LRP11: variants seen among roughly 807,000 people sequenced by gnomAD.
LRP11 encodes low-density lipoprotein receptor-related protein 11.
LRP11 carries 25 observed loss-of-function variants against 43.1 expected under a neutral mutation model. The observed-to-expected ratio is 0.58, with a 90% CI of 0.42 to 0.81. The LOEUF (loss-of-function observed/expected upper bound fraction) is 0.81, where lower values mean the gene tolerates loss of function less well. Ranked by LOEUF, LRP11 falls within the 30% of genes least tolerant of loss-of-function variation. LRP11 has a pLI of 0.00. For missense variants in LRP11, 623 were observed against 665.1 expected (o/e 0.94, Z 0.70); for synonymous variants, 316 against 299.4 (o/e 1.06, Z -0.57).
In LRP11 at chr6:149,827,398, C is replaced by A. The variant is rs938401692; in HGVS notation, c.1253-1039G>T. On this transcript the variant is annotated intron_variant, in intron 5 of 6. Transcript: ENST00000239367. This position sits in a 1 kb window ranked among gnomAD's most constrained non-coding sequence, Gnocchi z 4.2. ...CCTAATTCCTGCAAATGAAATAAGA[C>A]TATTTAAAGGTAGTATATAAAATTC... Among the ~76,000 whole-genome samples the A allele has an allele frequency of 4.6e-5, 7 of 152,166 alleles. No homozygotes were observed. The highest frequency in any genetic ancestry group is 1.7e-4 in the African/African-American group (7 of 41,430).
At chr6:149,836,328 TGGA>T in intron 4 of LRP11, 31 bp from the exon 5 acceptor site, 1 of 1,593,138 alleles carries the variant, frequency 6.3e-7, no homozygotes, top group Non-Finnish European at 8.6e-7. Flanking sequence ...TGTTAGTTGC[TGGA>T]TTTCTTTTCT....
chr6:149,859,550 C>T (rs1476697410), intron 1 of LRP11, among the ~76,000 whole-genome samples: 1 of 151,412 alleles, frequency 6.6e-6, no homozygotes, highest in Non-Finnish European at 1.5e-5. Flanking sequence ...CGTGTGTCAA[C>T]AAACCAGGCT....
chr6:149,825,876 T>C lies in LRP11; in HGVS notation c.1348+388A>G, dbSNP rs773254943. Among the ~76,000 whole-genome samples the C allele has an allele frequency of 1.4e-3, 211 of 152,310 alleles. 3 individuals are homozygous for C. The highest frequency in any genetic ancestry group is 1.2e-3 in the Admixed American group (19 of 15,296). The stretch of plus-strand genomic sequence containing the variant: ...ATTGCCCAGGCCGGTCTTGAACTCC[T>C]GAGCTCAAGCGATCCTCCTGCCTTG... On this transcript the variant is annotated intron_variant, in intron 6 of 6. Coordinates refer to ENST00000239367, the MANE Select transcript of LRP11 (RefSeq NM_032832.6).
At position 149,820,345 on chromosome 6, in the gene LRP11, A is replaced by G. The variant is rs548574914; in HGVS notation, c.*204T>C. 23 of 428,510 alleles carry G rather than the reference A, an allele frequency of 5.4e-5. No individual in the cohort carries two copies. Among genetic ancestry groups the G allele is most frequent in the African/African-American group, 4.7e-4 (23 of 49,018 alleles). The allele number at this position is 428,510 out of a possible 1,614,324, so 26.5% of individuals were successfully genotyped here. On this transcript the variant is annotated 3_prime_UTR_variant, in exon 7 of 7. Coordinates refer to ENST00000239367, the MANE Select transcript of LRP11 (RefSeq NM_032832.6). ...CAGAATTATATTTTTAGGAATCTTT[A>G]ATCATGAATTCCTCTCTAAATTTCA...
At chr6:149,829,694 A>T (rs1263113480) in intron 5 of LRP11, among the ~76,000 whole-genome samples, 1 of 151,862 alleles carries the variant, frequency 6.6e-6, no homozygotes, top group East Asian at 1.9e-4. Context: ...TTCACCCAAT[A>T]AAAAAAATAA....
chr6:149,850,047 G>T (rs1310360196), intron 2 of LRP11, among the ~76,000 whole-genome samples: 2 of 152,182 alleles, frequency 1.3e-5, no homozygotes, highest in Admixed American at 1.3e-4. Context: ...GAGATGAGAG[G>T]AGGGATGAAT....
At chr6:149,851,259 C>T (rs1776714875) in intron 2 of LRP11, among the ~76,000 whole-genome samples, 1 of 152,106 alleles carries the variant, frequency 6.6e-6, no homozygotes, top group African/African-American at 2.4e-5. Context: ...TGTAACGAAG[C>T]TCATTAATAG....
chr6:149,822,624 CT>C (rs1166887580), intron 6 of LRP11, among the ~76,000 whole-genome samples: 1 of 152,080 alleles, frequency 6.6e-6, no homozygotes, highest in Non-Finnish European at 1.5e-5. Context: ...TACTCTACTT[CT>C]ACAAAATGTA....
rs1353618888 is a variant in LRP11, at chr6:149,827,393, T to TA, written c.1253-1035dup. Among the ~76,000 whole-genome samples the TA allele has an allele frequency of 1.3e-5, 2 of 152,252 alleles. No homozygotes were observed. The highest frequency in any genetic ancestry group is 1.3e-4 in the Admixed American group (2 of 15,286). On this transcript the variant is annotated intron_variant, in intron 5 of 6. Coordinates refer to ENST00000239367, the MANE Select transcript of LRP11 (RefSeq NM_032832.6). The surrounding 1 kb of genome is among the most constrained non-coding windows in gnomAD (Gnocchi z 4.2). ...ATGTTCCTAATTCCTGCAAATGAAA[T>TA]AAGACTATTTAAAGGTAGTATATAA...
At chr6:149,859,392 A>ATTTTTT (rs1379449979) in intron 1 of LRP11, among the ~76,000 whole-genome samples, 27 of 76,798 alleles carry the variant, frequency 3.5e-4, no homozygotes, top group African/African-American at 2.4e-3. Flanking sequence ...ATATATATAT[A>ATTTTTT]TATATTTTTT....
chr6:149,823,646 G>A, intron 6 of LRP11, among the ~76,000 whole-genome samples: 1 of 152,154 alleles, frequency 6.6e-6, no homozygotes, highest in Non-Finnish European at 1.5e-5. Context: ...CACACTCACG[G>A]CACTTGAACT....
At chr6:149,838,078 C>T (rs996230423) in intron 3 of LRP11, among the ~76,000 whole-genome samples, 6 of 151,996 alleles carry the variant, frequency 3.9e-5, no homozygotes, top group African/African-American at 1.2e-4. Context: ...CCACCACACC[C>T]GGTTAATTTT....
At chr6:149,851,296 T>C (rs1776715679) in intron 2 of LRP11, among the ~76,000 whole-genome samples, 2 of 152,158 alleles carry the variant, frequency 1.3e-5, no homozygotes, top group East Asian at 1.9e-4. Context: ...TGGATCACAG[T>C]AGGTAATGAA....
intron 3 of LRP11, chr6:149,842,697 C>G: frequency 6.5e-7 from 1 of 1,550,294 alleles, no homozygotes; most frequent in Non-Finnish European, 8.7e-7. Flanking sequence ...AGTCCTCTCC[C>G]AGAATAGCCA....
chr6:149,863,562 G>T lies in LRP11; in HGVS notation c.459C>A (p.Pro153=). 7.3e-7 allele frequency: 1 copy of T among 1,378,640 alleles called. No homozygotes were observed. Among genetic ancestry groups the T allele is most frequent in the South Asian group, 1.7e-5 (1 of 60,364 alleles). The allele number at this position is 1,378,640 out of a possible 1,614,324, so 85.4% of individuals were successfully genotyped here. Residue 153 remains proline (P), a synonymous_variant, in exon 1 of 7, where the codon CCC becomes CCA. Coordinates refer to ENST00000239367, the MANE Select transcript of LRP11 (RefSeq NM_032832.6). ...GGTAGCAGCCGAGCACGGCTGCCGG[G>T]GGCGCGGGGCGCCGGGGCAGCTCCA... ...AVVELPRRPA[P]PAAVLGCYLF...
At chr6:149,839,638 AG>A in intron 3 of LRP11, among the ~76,000 whole-genome samples, 1 of 152,312 alleles carries the variant, frequency 6.6e-6, no homozygotes, top group East Asian at 1.9e-4. Flanking sequence ...ATTGTTGAAC[AG>A]GCATCTCCAG....
Position 149,863,961 on chromosome 6 carries a change from C to T in LRP11, c.60G>A (p.Gly20=). The change falls in exon 1 of 7, where the codon GGG becomes GGA. Residue 20 remains glycine (G), a synonymous_variant. Transcript: ENST00000239367. ...GSQRRLPPRH[G]ALRGLLLLCL... ...AGAGCAGTAGCAGCCCGCGCAGCGC[C>T]CCGTGACGCGGCGGTAGCCGGCGCT... 7.0e-7 allele frequency: 1 copy of T among 1,428,770 alleles called. No individual in the cohort carries two copies. Among genetic ancestry groups the T allele is most frequent in the Non-Finnish European group, 9.1e-7 (1 of 1,097,994 alleles). The allele number at this position is 1,428,770 out of a possible 1,614,324, so 88.5% of individuals were successfully genotyped here. A position where few individuals can be genotyped will look rare whatever the true frequency, so the allele number is the denominator to read the frequency against.
intron 5 of LRP11, among the ~76,000 whole-genome samples, chr6:149,829,571 T>TA (rs1187569533): frequency 6.7e-6 from 1 of 149,910 alleles, no homozygotes; most frequent in Admixed American, 6.7e-5. Flanking sequence ...AAAAAATAAA[T>TA]AAAATAAAAT....
At chr6:149,847,714 C>A (rs1776658354) in intron 2 of LRP11, among the ~76,000 whole-genome samples, 1 of 152,016 alleles carries the variant, frequency 6.6e-6, no homozygotes, top group Non-Finnish European at 1.5e-5. Context: ...GGCTTCTGGC[C>A]AAATCAATGA....
Sources: gnomAD v4.1 joint callset for allele counts (sites outside exome capture counted in the v4.1 genomes callset) on GRCh38, gnomAD v4.1.1 for gene constraint, Gnocchi (gnomAD v3.1) non-coding constraint, MANE v1.5 for transcripts, NCBI Gene and HGNC (gene_info 2026-07-23, HGNC 2026-07-21) for gene names.